Variants in CUX1 observed in about 807,000 individuals in gnomAD.
CUX1 encodes the protein protein CASP.
A neutral mutation model predicts 158.8 loss-of-function variants in CUX1; 31 were observed. The ratio of observed to expected loss-of-function variants is 0.20; its 90% CI spans 0.15 to 0.26. CUX1 has a LOEUF of 0.26. CUX1 is among the 10% of genes least tolerant of loss of function. The pLI is 1.00. For missense variants in CUX1, 1,589 were observed against 2,014.6 expected (o/e 0.79, Z 4.04); for synonymous variants, 879 against 862.1 (o/e 1.02, Z -0.34).
chr7:102,266,008 A>G (rs1391989471), intron 14 of CUX1, among the ~76,000 whole-genome samples: 1 of 152,152 alleles, frequency 6.6e-6, no homozygotes, highest in Non-Finnish European at 1.5e-5. Context: ...GTTTAAGACC[A>G]GCCTGACCAA....
chr7:102,108,890 G>C (rs1830631733), intron 6 of CUX1, among the ~76,000 whole-genome samples: 1 of 151,918 alleles, frequency 6.6e-6, no homozygotes, highest in African/African-American at 2.4e-5. Context: ...AAATAGCTGG[G>C]GTTACAGGTG....
At chr7:101,903,813 T>TGGCA (rs1802431548) in intron 1 of CUX1, among the ~76,000 whole-genome samples, 1 of 152,094 alleles carries the variant, frequency 6.6e-6, no homozygotes, top group South Asian at 2.1e-4. Flanking sequence ...GCAGAGTGGG[T>TGGCA]TTGTGACGGG....
At chr7:101,912,577 C>G (rs1411292863) in intron 1 of CUX1, among the ~76,000 whole-genome samples, 1 of 152,160 alleles carries the variant, frequency 6.6e-6, no homozygotes, top group African/African-American at 2.4e-5. Flanking sequence ...TGGAGTAAGT[C>G]CCTCTCCCCA....
In CUX1 at chr7:102,255,638, A is replaced by G. The variant is rs1789814007; in HGVS notation, c.*6596A>G. 1.0e-6 allele frequency: 1 copy of G among 985,304 alleles called. No homozygotes were observed. The highest frequency in any genetic ancestry group is 1.7e-5 in the African/African-American group (1 of 57,246). 61.0% of individuals were successfully genotyped at this position (985,304 alleles called of 1,614,324 possible). Reference sequence around the variant, plus strand: ...TATGTATCAAGCTTTCTGTAATCAGAAAGAAAAGGTGCCTTATATCCCAAT... The same window carrying G: ...TATGTATCAAGCTTTCTGTAATCAGGAAGAAAAGGTGCCTTATATCCCAAT... On this transcript the variant is annotated 3_prime_UTR_variant, in exon 24 of 24. Coordinates refer to ENST00000292535, the MANE Select transcript of CUX1 (RefSeq NM_181552.4).
chr7:102,116,862 C>T (rs1318176684), intron 8 of CUX1, among the ~76,000 whole-genome samples: 1 of 152,036 alleles, frequency 6.6e-6, no homozygotes, highest in African/African-American at 2.4e-5. Context: ...GAGACTCACT[C>T]GGTTAGATGA....
At chr7:102,096,135 C>T (rs1159234740) in intron 4 of CUX1, among the ~76,000 whole-genome samples, 1 of 152,354 alleles carries the variant, frequency 6.6e-6, no homozygotes, top group African/African-American at 2.4e-5. Flanking sequence ...GCCTGGCTGC[C>T]GTGCAGCGCG....
At chr7:102,015,409 G>A (rs1485758424) in intron 2 of CUX1, among the ~76,000 whole-genome samples, 4 of 152,044 alleles carry the variant, frequency 2.6e-5, no homozygotes, top group African/African-American at 7.2e-5. Context: ...TGTATTTTAA[G>A]TAGAGACGGG....
chr7:101,937,722 A>G (rs1807116970), intron 2 of CUX1, among the ~76,000 whole-genome samples: 1 of 152,110 alleles, frequency 6.6e-6, no homozygotes. Context: ...CATGTTGGCC[A>G]GGGTGGTCTC....
intron 8 of CUX1, among the ~76,000 whole-genome samples, chr7:102,136,148 TATA>T (rs1227261112): frequency 2.0e-5 from 3 of 152,258 alleles, no homozygotes; most frequent in African/African-American, 4.8e-5. Flanking sequence ...TCCCCCAACA[TATA>T]ATATCTGACA....
intron 10 of CUX1, among the ~76,000 whole-genome samples, chr7:102,172,883 G>A (rs999208198): frequency 2.0e-5 from 3 of 152,098 alleles, no homozygotes; most frequent in Non-Finnish European, 2.9e-5. Context: ...GCAAAATATC[G>A]AAACCCCATC....
intron 1 of CUX1, among the ~76,000 whole-genome samples, chr7:101,852,114 G>A (rs538632670): frequency 3.3e-5 from 5 of 151,994 alleles, no homozygotes; most frequent in African/African-American, 9.6e-5. Flanking sequence ...ACAGGCGTGA[G>A]CCACCGCACC....
At chr7:101,920,817 A>C (rs1378436094) in intron 2 of CUX1, among the ~76,000 whole-genome samples, 2 of 152,200 alleles carry the variant, frequency 1.3e-5, no homozygotes, top group African/African-American at 2.4e-5. Context: ...ATCGTGGAAC[A>C]TAATAGGCGG....
Position 102,241,226 on chromosome 7 carries a change from G to T in CUX1, c.3887+1642G>T, listed in dbSNP as rs1251166512. On this transcript the variant is annotated intron_variant, in intron 23 of 23. Coordinates refer to ENST00000292535, the MANE Select transcript of CUX1 (RefSeq NM_181552.4). ...AAAGTGCACTGGGATGAAGTGTTTGGAGTAGATGGAGGAAACCCACTGAAG... is the reference window on the plus strand; with the variant it reads ...AAAGTGCACTGGGATGAAGTGTTTGTAGTAGATGGAGGAAACCCACTGAAG... 2.0e-5 allele frequency among the ~76,000 whole-genome samples: 3 copies of T among 152,158 alleles called. No individual in the cohort carries two copies. In the East Asian group the frequency reaches 5.8e-4, roughly 29 times the overall value.
intron 1 of CUX1, among the ~76,000 whole-genome samples, chr7:101,906,460 T>C (rs936156953): frequency 2.0e-5 from 3 of 151,736 alleles, no homozygotes; most frequent in East Asian, 1.9e-4. Context: ...GGGGACCCTG[T>C]TCTCTGGGGA....
intron 8 of CUX1, among the ~76,000 whole-genome samples, chr7:102,144,200 G>T (rs1773554184): frequency 6.6e-6 from 1 of 152,120 alleles, no homozygotes; most frequent in Admixed American, 6.5e-5. Context: ...TTGTTTCATT[G>T]CAAATGGAAT....
At chr7:102,265,942 G>T (rs967315873) in intron 14 of CUX1, among the ~76,000 whole-genome samples, 1 of 152,136 alleles carries the variant, frequency 6.6e-6, no homozygotes, top group Non-Finnish European at 1.5e-5. Context: ...AGTGGCTCAC[G>T]CCTGTAATCC....
intron 1 of CUX1, among the ~76,000 whole-genome samples, chr7:101,888,670 G>T (rs899586773): frequency 5.9e-5 from 9 of 152,006 alleles, no homozygotes; most frequent in African/African-American, 1.9e-4. Context: ...GCTCACTGCA[G>T]CCCCTGCCTC....
At chr7:102,189,030 A>T (rs1793973924) in intron 11 of CUX1, among the ~76,000 whole-genome samples, 1 of 152,166 alleles carries the variant, frequency 6.6e-6, no homozygotes, top group Non-Finnish European at 1.5e-5. Context: ...GAAGCCACCA[A>T]GCACTCGACT....
At chr7:102,179,903 A>G (rs200916742) in intron 11 of CUX1, among the ~76,000 whole-genome samples, 1 of 152,238 alleles carries the variant, frequency 6.6e-6, no homozygotes, top group Non-Finnish European at 1.5e-5. Flanking sequence ...GAGTGGCTGT[A>G]AAGTATATTC....
Sources: gnomAD v4.1 joint callset for allele counts (sites outside exome capture counted in the v4.1 genomes callset) on GRCh38, gnomAD v4.1.1 for gene constraint, MANE v1.5 for transcripts, NCBI Gene and HGNC (gene_info 2026-07-23, HGNC 2026-07-21) for gene names.